The following NPAS3 variants were observed in gnomAD, a reference collection of about 807,000 sequenced individuals.
NPAS3 encodes the protein neuronal PAS domain-containing protein 3.
Under a neutral mutation model 73.1 loss-of-function variants are expected in NPAS3, and 14 were observed. That is an observed-to-expected ratio of 0.19 (90% CI 0.13 to 0.30). The LOEUF is 0.30. NPAS3 is among the 10% of genes least tolerant of loss of function. The probability of loss-of-function intolerance (pLI) is 1.00; values close to 1 mark genes in which losing one functional copy is unlikely to be tolerated. For missense variants in NPAS3, 1,096 were observed against 1,250.0 expected (o/e 0.88, Z 1.86); for synonymous variants, 620 against 541.5 (o/e 1.14, Z -2.01).
chr14:33,498,547 T>C (rs1464279989), intron 4 of NPAS3, among the ~76,000 whole-genome samples: 2 of 152,078 alleles, frequency 1.3e-5, no homozygotes, highest in African/African-American at 4.8e-5. Flanking sequence ...TGCAGGGACA[T>C]GGATGAAGCT....
chr14:33,797,377 A>G, intron 10 of NPAS3, 80 bp from the exon 11 acceptor site: 1 of 1,482,030 alleles, frequency 6.7e-7, no homozygotes, highest in Admixed American at 1.9e-5. Context: ...GTCTGGGACA[A>G]AGAAGTGGGG....
chr14:33,562,919 C>T (rs147489375), intron 5 of NPAS3, among the ~76,000 whole-genome samples: 1 of 53,844 alleles, frequency 1.9e-5, no homozygotes, highest in Admixed American at 1.8e-4. Context: ...ACACACACAC[C>T]CTTAATCAAA....
At chr14:33,046,330 A>C (rs935709420) in intron 1 of NPAS3, among the ~76,000 whole-genome samples, 4 of 152,164 alleles carry the variant, frequency 2.6e-5, no homozygotes, top group Admixed American at 1.3e-4. Context: ...CTTGCATGCC[A>C]AGCTGTGGTT....
intron 1 of NPAS3, among the ~76,000 whole-genome samples, chr14:33,013,903 T>A (rs1201637534): frequency 6.6e-6 from 1 of 152,168 alleles, no homozygotes; most frequent in African/African-American, 2.4e-5. Context: ...CAAACCGCTC[T>A]CCAGAATTTT....
chr14:33,456,332 G>A (rs533650599), intron 4 of NPAS3, among the ~76,000 whole-genome samples: 151 of 152,202 alleles, frequency 9.9e-4, no homozygotes, highest in African/African-American at 3.4e-3. Context: ...TTTTCATGGC[G>A]GCTATTTTAA....
rs2051457326 is a variant in NPAS3 at position 33,483,996 on chromosome 14, A to G, written c.469-76125A>G. 2.0e-5 allele frequency among the ~76,000 whole-genome samples: 3 copies of G among 152,368 alleles called. No homozygotes were observed. The South Asian group carries it at 6.2e-4, about 32-fold the overall frequency. Reference sequence around the variant, plus strand: ...ATATTCATTTAGCAAATATTTATTAAGCACCTACTGTATGCCAGGTACTGT... The same window carrying G: ...ATATTCATTTAGCAAATATTTATTAGGCACCTACTGTATGCCAGGTACTGT... On this transcript the variant is annotated intron_variant, in intron 4 of 11. Transcript: ENST00000356141.
chr14:33,130,658 T>A (rs1185551142), intron 2 of NPAS3, among the ~76,000 whole-genome samples: 1 of 152,198 alleles, frequency 6.6e-6, no homozygotes, highest in Admixed American at 6.6e-5. Flanking sequence ...GGAAATGCAA[T>A]TATTTTCTTA....
chr14:33,413,446 C>T (rs916051708), intron 4 of NPAS3, among the ~76,000 whole-genome samples: 3 of 152,102 alleles, frequency 2.0e-5, no homozygotes, highest in Admixed American at 1.3e-4. Context: ...ACTGCAGCAT[C>T]CTCAGATCTA....
At chr14:33,733,630 G>A (rs755946010) in intron 6 of NPAS3, among the ~76,000 whole-genome samples, 35 of 152,160 alleles carry the variant, frequency 2.3e-4, no homozygotes, top group East Asian at 3.8e-4. Context: ...GTATTATGGC[G>A]TGTTAGATGA....
In NPAS3 at chr14:33,301,306, T is replaced by TTATATATA. The variant is rs1232866435; in HGVS notation, c.386-65870_386-65863dup. ...TCTAAACCCCACCTAGGTTTTATCA[T>TTATATATA]TATATATATATATATATTTTTTTTT... On this transcript the variant is annotated intron_variant, in intron 3 of 11. Coordinates refer to ENST00000356141, the Ensembl canonical transcript of NPAS3. Among the ~76,000 whole-genome samples, 23 of 81,152 alleles carry TTATATATA rather than the reference T, an allele frequency of 2.8e-4. 4 individuals carry two copies. Among genetic ancestry groups the TTATATATA allele is most frequent in the African/African-American group, 1.2e-3 (19 of 15,754 alleles). 53.2% of individuals were successfully genotyped at this position (81,152 alleles called of 152,430 possible).
chr14:33,291,033 C>T lies in NPAS3; in HGVS notation c.385+75607C>T, dbSNP rs74042022. On this transcript the variant is annotated intron_variant, in intron 3 of 11. Coordinates refer to ENST00000356141, the Ensembl canonical transcript of NPAS3. Reference sequence around the variant, plus strand: ...ACAAGTGGTATCTAGCTGTACCTCTCGGTGTATCTAGGCTTTGCAATACGA... The same window carrying T: ...ACAAGTGGTATCTAGCTGTACCTCTTGGTGTATCTAGGCTTTGCAATACGA... 6.4e-3 allele frequency among the ~76,000 whole-genome samples: 970 copies of T among 151,908 alleles called. 17 individuals are homozygous for T. Among genetic ancestry groups the T allele is most frequent in the African/African-American group, 0.023 (934 of 41,436 alleles).
chr14:33,218,468 G>T (rs1343868427), intron 3 of NPAS3, among the ~76,000 whole-genome samples: 1 of 152,044 alleles, frequency 6.6e-6, no homozygotes, highest in Non-Finnish European at 1.5e-5. Flanking sequence ...AACATCAAAA[G>T]AAATTCATTT....
intron 4 of NPAS3, among the ~76,000 whole-genome samples, chr14:33,517,906 C>T (rs1253014522): frequency 6.6e-6 from 1 of 152,024 alleles, no homozygotes; most frequent in African/African-American, 2.4e-5. Context: ...ACATATTGAA[C>T]AAATCTGATT....
chr14:33,500,382 T>A (rs1358578795), intron 4 of NPAS3, among the ~76,000 whole-genome samples: 1 of 151,872 alleles, frequency 6.6e-6, no homozygotes, highest in African/African-American at 2.4e-5. Context: ...GAGGAAAAGA[T>A]AAGGGGAACA....
chr14:33,523,464 A>AAG (rs2053650392), intron 4 of NPAS3, among the ~76,000 whole-genome samples: 1 of 149,540 alleles, frequency 6.7e-6, no homozygotes, highest in Admixed American at 6.7e-5. Context: ...AAAAAAAAAA[A>AAG]AAAAAAAAAG....
chr14:33,494,916 G>A (rs2052094584), intron 4 of NPAS3, among the ~76,000 whole-genome samples: 1 of 152,050 alleles, frequency 6.6e-6, no homozygotes, highest in South Asian at 2.1e-4. Flanking sequence ...CAATCACTGA[G>A]CCATGCACAA....
chr14:33,061,972 G>T (rs536278777), intron 2 of NPAS3, among the ~76,000 whole-genome samples: 1 of 152,262 alleles, frequency 6.6e-6, no homozygotes, highest in East Asian at 1.9e-4. Flanking sequence ...TGGGCTAAAA[G>T]GCATTTCTGG....
At chr14:33,529,578 T>A (rs2140164759) in intron 4 of NPAS3, among the ~76,000 whole-genome samples, 1 of 152,196 alleles carries the variant, frequency 6.6e-6, no homozygotes, top group East Asian at 1.9e-4. Context: ...ATTTCCTTTG[T>A]GTTGTTAAAG....
At chr14:33,207,888 C>G (rs941149917) in intron 2 of NPAS3, among the ~76,000 whole-genome samples, 1 of 152,110 alleles carries the variant, frequency 6.6e-6, no homozygotes, top group Non-Finnish European at 1.5e-5. Flanking sequence ...TCTGTTCTGG[C>G]GGGCTTTTCT....
Sources: gnomAD v4.1 joint callset for allele counts (sites outside exome capture counted in the v4.1 genomes callset) on GRCh38, gnomAD v4.1.1 for gene constraint, MANE v1.5 for transcripts, NCBI Gene and HGNC (gene_info 2026-07-23, HGNC 2026-07-21) for gene names.